ZFHX3: variants seen among roughly 807,000 people sequenced by gnomAD.
ZFHX3 encodes zinc finger homeobox protein 3.
A neutral mutation model predicts 279.1 loss-of-function variants in ZFHX3; 42 were observed. That is an observed-to-expected ratio of 0.15 (90% CI 0.12 to 0.19). ZFHX3 has a LOEUF of 0.19. Among genes scored for constraint, ZFHX3 ranks in the 10% least tolerant of loss-of-function variants. The pLI is 1.00. For synonymous variants in ZFHX3, 2,293 were observed against 1,957.8 expected (o/e 1.17, Z -4.52); for missense variants, 4,981 against 4,754.0 (o/e 1.05, Z -1.40).
At chr16:73,107,406 A>T (rs915548975) in intron 7 of ZFHX3, among the ~76,000 whole-genome samples, 3 of 152,234 alleles carry the variant, frequency 2.0e-5, no homozygotes, top group Non-Finnish European at 4.4e-5. Context: ...AAAGGATATA[A>T]GGCAGCTTCA....
intron 8 of ZFHX3, among the ~76,000 whole-genome samples, chr16:73,068,768 C>T (rs561031385): frequency 6.6e-6 from 1 of 152,332 alleles, no homozygotes; most frequent in East Asian, 1.9e-4. Context: ...CAGGCAGAGA[C>T]AGACATCCAA....
intron 5 of ZFHX3, among the ~76,000 whole-genome samples, chr16:73,228,294 A>G (rs930447756): frequency 6.6e-6 from 1 of 152,206 alleles, no homozygotes; most frequent in Admixed American, 6.5e-5. Flanking sequence ...TGGTATAAAG[A>G]TAAATATTAA....
At chr16:73,312,691 C>G (rs1330330085) in intron 4 of ZFHX3, among the ~76,000 whole-genome samples, 2 of 152,154 alleles carry the variant, frequency 1.3e-5, no homozygotes, top group Non-Finnish European at 2.9e-5. Flanking sequence ...AGCCACCTTG[C>G]AAGAAAGGCA....
intron 2 of ZFHX3, among the ~76,000 whole-genome samples, chr16:73,615,186 A>G (rs2052287488): frequency 6.6e-6 from 1 of 151,256 alleles, no homozygotes; most frequent in Admixed American, 6.6e-5. Flanking sequence ...GGCCCCGGGC[A>G]GGAGTTTAGC....
chr16:73,889,281 CACTG>C (rs1368562332), intron 1 of ZFHX3, among the ~76,000 whole-genome samples: 1 of 152,220 alleles, frequency 6.6e-6, no homozygotes, highest in Non-Finnish European at 1.5e-5. Context: ...CAGAACTTTC[CACTG>C]ACTGTCTCGA....
At position 73,854,507 on chromosome 16, in the gene ZFHX3, G is replaced by T. The variant is rs1246612963; in HGVS notation, c.-1608+37144C>A. Among the ~76,000 whole-genome samples the T allele has an allele frequency of 1.3e-5, 2 of 152,080 alleles. 1 individual carries two copies. The highest frequency in any genetic ancestry group is 2.9e-5 in the Non-Finnish European group (2 of 68,012). On this transcript the variant is annotated intron_variant, in intron 1 of 17. Transcript: ENST00000641206. The stretch of plus-strand genomic sequence containing the variant: ...CCACTGCACTCCAGCCTAGGCAACA[G>T]CAAGACTCTGTCTCATAAGAAGAAA...
chr16:73,069,844 A>G (rs923825279), intron 8 of ZFHX3, among the ~76,000 whole-genome samples: 2 of 152,228 alleles, frequency 1.3e-5, no homozygotes, highest in East Asian at 3.9e-4. Flanking sequence ...CTGTCAATCC[A>G]AAATTGTTCG....
intron 2 of ZFHX3, among the ~76,000 whole-genome samples, chr16:73,468,865 G>T (rs1387030722): frequency 6.6e-6 from 1 of 152,152 alleles, no homozygotes; most frequent in Non-Finnish European, 1.5e-5. Context: ...TTCATATAGG[G>T]TCAGCTCTGA....
intron 2 of ZFHX3, among the ~76,000 whole-genome samples, chr16:73,587,581 A>G (rs1431548797): frequency 6.6e-6 from 1 of 152,230 alleles, no homozygotes; most frequent in Non-Finnish European, 1.5e-5. Context: ...AAATTCCCAT[A>G]GCAAAAGCAG....
intron 1 of ZFHX3, among the ~76,000 whole-genome samples, chr16:72,966,093 A>C (rs972821273): frequency 6.6e-6 from 1 of 152,212 alleles, no homozygotes; most frequent in African/African-American, 2.4e-5. Context: ...AAGCGTCAAC[A>C]CAGAGGTCCG....
intron 7 of ZFHX3, among the ~76,000 whole-genome samples, chr16:72,804,710 G>A (rs1317639295): frequency 6.6e-6 from 1 of 152,134 alleles, no homozygotes; most frequent in Non-Finnish European, 1.5e-5. Flanking sequence ...TCTGACATTT[G>A]GGAGGGGCTG....
chr16:73,775,855 C>T (rs1002621561), intron 1 of ZFHX3, among the ~76,000 whole-genome samples: 1 of 152,128 alleles, frequency 6.6e-6, no homozygotes, highest in Admixed American at 6.5e-5. Flanking sequence ...CTGCTCCTCT[C>T]CCTCAATTCT....
intron 3 of ZFHX3, among the ~76,000 whole-genome samples, chr16:73,336,388 A>T (rs1344420979): frequency 2.3e-4 from 16 of 71,014 alleles, no homozygotes; most frequent in Non-Finnish European, 2.4e-4. Flanking sequence ...CCCTCCTCCC[A>T]CCCCCCACCC....
At chr16:73,115,555 T>A (rs936500247) in intron 7 of ZFHX3, among the ~76,000 whole-genome samples, 4 of 151,412 alleles carry the variant, frequency 2.6e-5, no homozygotes, top group African/African-American at 9.7e-5. Flanking sequence ...CTCTGAAGAG[T>A]CCAATGTCCA....
intron 3 of ZFHX3, among the ~76,000 whole-genome samples, chr16:73,455,315 C>T (rs183277567): frequency 3.9e-5 from 6 of 152,156 alleles, no homozygotes; most frequent in Admixed American, 2.6e-4. Flanking sequence ...AAATTGATTG[C>T]GAGAATAGAG....
At chr16:73,737,264 T>C (rs1216841054) in intron 1 of ZFHX3, among the ~76,000 whole-genome samples, 1 of 152,182 alleles carries the variant, frequency 6.6e-6, no homozygotes, top group Non-Finnish European at 1.5e-5. Context: ...CTTGAACTCC[T>C]GGGCTCGAGC....
intron 1 of ZFHX3, among the ~76,000 whole-genome samples, chr16:73,721,984 G>A (rs1237039789): frequency 2.0e-5 from 3 of 152,356 alleles, no homozygotes; most frequent in South Asian, 2.1e-4. Flanking sequence ...GGTAGAGGCT[G>A]CAGTGAGCTG....
chr16:73,336,731 A>G (rs906433760), intron 3 of ZFHX3, among the ~76,000 whole-genome samples: 1 of 152,058 alleles, frequency 6.6e-6, no homozygotes, highest in Admixed American at 6.6e-5. Flanking sequence ...CAATCATTGA[A>G]GCCTCTTAAC....
intron 6 of ZFHX3, among the ~76,000 whole-genome samples, chr16:73,134,939 TA>T (rs1966763440): frequency 6.6e-6 from 1 of 152,056 alleles, no homozygotes; most frequent in African/African-American, 2.4e-5. Flanking sequence ...GGTCTCAGAA[TA>T]AAGACAAAAT....
Sources: gnomAD v4.1 joint callset for allele counts (sites outside exome capture counted in the v4.1 genomes callset) on GRCh38, gnomAD v4.1.1 for gene constraint, MANE v1.5 for transcripts, NCBI Gene and HGNC (gene_info 2026-07-23, HGNC 2026-07-21) for gene names.